NALF1: variants seen among roughly 807,000 people sequenced by gnomAD.
The protein encoded by NALF1 is family with sequence similarity 155 member A.
NALF1 carries 3 observed loss-of-function variants against 48.4 expected under a neutral mutation model. The ratio of observed to expected loss-of-function variants is 0.06; its 90% confidence interval spans 0.03 to 0.16. The LOEUF is 0.16. Ranked by LOEUF, NALF1 falls within the 10% of genes least tolerant of loss-of-function variation. The pLI, the probability that NALF1 is intolerant of heterozygous loss-of-function variation, is 1.00. For synonymous variants in NALF1, 262 were observed against 245.7 expected (o/e 1.07, Z -0.62); for missense variants, 526 against 571.5 (o/e 0.92, Z 0.81).
chr13:107,336,352 C>T (rs1415187663), intron 1 of NALF1, among the ~76,000 whole-genome samples: 2 of 140,408 alleles, frequency 1.4e-5, no homozygotes, highest in Non-Finnish European at 3.1e-5. Context: ...GACTCTGTCT[C>T]GATGATGATG....
chr13:107,566,171 G>A (rs1214964341), intron 1 of NALF1, among the ~76,000 whole-genome samples: 1 of 152,160 alleles, frequency 6.6e-6, no homozygotes, highest in Non-Finnish European at 1.5e-5. Context: ...TGATAGGGAG[G>A]CTTTTATAAG....
At chr13:107,313,739 G>A (rs1006103053) in intron 1 of NALF1, among the ~76,000 whole-genome samples, 10 of 152,110 alleles carry the variant, frequency 6.6e-5, no homozygotes, top group Non-Finnish European at 5.9e-5. Context: ...CCTCGCACTC[G>A]TAAATTGTAT....
intron 1 of NALF1, among the ~76,000 whole-genome samples, chr13:107,263,419 A>T (rs1370176639): frequency 6.6e-6 from 1 of 152,002 alleles, no homozygotes. Flanking sequence ...CACTATAACC[A>T]ATTTATTTAT....
chr13:107,253,558 T>C (rs1025692291), intron 1 of NALF1, among the ~76,000 whole-genome samples: 2 of 152,202 alleles, frequency 1.3e-5, no homozygotes, highest in African/African-American at 4.8e-5. Context: ...CATGATGGAA[T>C]TCAGGTCGCA....
intron 1 of NALF1, among the ~76,000 whole-genome samples, chr13:107,772,812 A>G (rs929776296): frequency 2.0e-5 from 3 of 152,128 alleles, no homozygotes; most frequent in Non-Finnish European, 4.4e-5. Context: ...CTTATTAAAA[A>G]TCTCTGAAAG....
intron 1 of NALF1, among the ~76,000 whole-genome samples, chr13:107,735,216 TTC>T (rs1473557376): frequency 5.3e-5 from 8 of 152,240 alleles, no homozygotes; most frequent in South Asian, 4.2e-4. Context: ...GATAATAAAT[TTC>T]TGTTTTGTTA....
rs112009683 is a variant in NALF1 at position 107,617,781 on chromosome 13, T to G, written c.915+247901A>C. 4.5e-3 allele frequency among the ~76,000 whole-genome samples: 685 copies of G among 152,276 alleles called. 5 individuals carry two copies. Among genetic ancestry groups the G allele is most frequent in the African/African-American group, 0.015 (615 of 41,562 alleles). Reference sequence around the variant, plus strand: ...AATTTTTCCATTTTTTTCTCCTCCATGTTTCTTTTCAGCATTTCTACAGGC... The same window carrying G: ...AATTTTTCCATTTTTTTCTCCTCCAGGTTTCTTTTCAGCATTTCTACAGGC... On this transcript the variant is annotated intron_variant, in intron 1 of 2. Transcript: ENST00000375915.
chr13:107,255,526 G>A (rs951729393), intron 1 of NALF1, among the ~76,000 whole-genome samples: 6 of 151,936 alleles, frequency 3.9e-5, no homozygotes, highest in Non-Finnish European at 7.4e-5. Flanking sequence ...CATCCTTACC[G>A]GGTTTGGAAG....
chr13:107,247,164 C>G (rs1268301495), intron 1 of NALF1, among the ~76,000 whole-genome samples: 2 of 152,134 alleles, frequency 1.3e-5, no homozygotes, highest in Non-Finnish European at 2.9e-5. Context: ...GGAAATGCAA[C>G]AGTGAAAAAT....
intron 1 of NALF1, among the ~76,000 whole-genome samples, chr13:107,295,101 G>A (rs576614801): frequency 2.6e-5 from 4 of 152,208 alleles, no homozygotes; most frequent in South Asian, 4.1e-4. Flanking sequence ...CACCCAGGTC[G>A]TGAGCATAGA....
chr13:107,206,339 C>A (rs1879640179), intron 2 of NALF1, among the ~76,000 whole-genome samples: 1 of 152,134 alleles, frequency 6.6e-6, no homozygotes, highest in Non-Finnish European at 1.5e-5. Flanking sequence ...TTGGTCATGA[C>A]CTTCTGTAAC....
chr13:107,790,716 A>T (rs764212003), intron 1 of NALF1, among the ~76,000 whole-genome samples: 1 of 152,176 alleles, frequency 6.6e-6, no homozygotes, highest in African/African-American at 2.4e-5. Context: ...TTAACCAAGG[A>T]GTGTTAATTT....
intron 1 of NALF1, among the ~76,000 whole-genome samples, chr13:107,678,453 G>C (rs746626538): frequency 1.2e-4 from 19 of 152,148 alleles, no homozygotes; most frequent in Non-Finnish European, 2.2e-4. Flanking sequence ...AGTGAGCAGG[G>C]GTGTCCAAAG....
At chr13:107,386,666 A>G (rs1883536301) in intron 1 of NALF1, among the ~76,000 whole-genome samples, 1 of 152,188 alleles carries the variant, frequency 6.6e-6, no homozygotes, top group Admixed American at 6.5e-5. Context: ...AAACTTTAAT[A>G]TGCTGATGCT....
chr13:107,593,247 CT>C (rs1490595727), intron 1 of NALF1, among the ~76,000 whole-genome samples: 1 of 151,828 alleles, frequency 6.6e-6, no homozygotes, highest in East Asian at 1.9e-4. Flanking sequence ...TCTAAAACAT[CT>C]TATTTTATGC....
chr13:107,808,759 T>C (rs1878891803), intron 1 of NALF1, among the ~76,000 whole-genome samples: 1 of 152,102 alleles, frequency 6.6e-6, no homozygotes, highest in Admixed American at 6.6e-5. Context: ...GGAAGTTTAC[T>C]TCCCGATATC....
At chr13:107,762,916 G>T (rs1419224001) in intron 1 of NALF1, among the ~76,000 whole-genome samples, 1 of 152,106 alleles carries the variant, frequency 6.6e-6, no homozygotes, top group Non-Finnish European at 1.5e-5. Flanking sequence ...CAAGTGATGA[G>T]AAATAATTAG....
At chr13:107,507,759 G>A (rs193186390) in intron 1 of NALF1, among the ~76,000 whole-genome samples, 3 of 151,940 alleles carry the variant, frequency 2.0e-5, no homozygotes, top group Admixed American at 6.6e-5. Flanking sequence ...TATATTTATT[G>A]AAATCATAGG....
intron 1 of NALF1, among the ~76,000 whole-genome samples, chr13:107,465,829 C>G (rs1884993249): frequency 6.6e-6 from 1 of 152,214 alleles, no homozygotes; most frequent in South Asian, 2.1e-4. Context: ...CATAGATGGC[C>G]CCTTTTAGCT....
Sources: allele counts gnomAD v4.1 joint callset (sites outside exome capture counted in the v4.1 genomes callset), GRCh38; gene constraint gnomAD v4.1.1; transcripts MANE v1.5; gene names NCBI Gene and HGNC (gene_info 2026-07-23, HGNC 2026-07-21).